The following SAMD5 variants were observed in gnomAD, a reference collection of about 807,000 sequenced individuals.
SAMD5 encodes sterile alpha motif domain containing 5.
A neutral mutation model predicts 11.3 loss-of-function variants in SAMD5; 13 were observed. That is an observed-to-expected ratio of 1.15 (90% CI 0.75 to 1.83). SAMD5 has a LOEUF of 1.83. SAMD5 is among the 40% of genes most tolerant of loss of function. The pLI is 0.00. For missense variants in SAMD5, 255 were observed against 239.1 expected (o/e 1.07, Z -0.44); for synonymous variants, 129 against 111.3 (o/e 1.16, Z -1.00).
chr6:147,775,539 A>G, the SAMD5 span, among the ~76,000 whole-genome samples: 10 of 152,208 alleles, frequency 6.6e-5, 1 homozygote, highest in African/African-American at 2.4e-4. Context: ...TGCATATCAA[A>G]TAAATGTATA....
chr6:147,665,906 C>T (rs1385724103), intron 1 of SAMD5, among the ~76,000 whole-genome samples: 6 of 151,910 alleles, frequency 3.9e-5, no homozygotes, highest in African/African-American at 1.5e-4. Flanking sequence ...ATTTTTTTCC[C>T]CATTTAAGAA....
At chr6:147,881,652 G>C in the SAMD5 span, among the ~76,000 whole-genome samples, 3 of 152,176 alleles carry the variant, frequency 2.0e-5, no homozygotes, top group Admixed American at 6.6e-5. Flanking sequence ...GCTGCTGGCT[G>C]TGTTCTGCAT....
At chr6:147,800,667 T>C in the SAMD5 span, among the ~76,000 whole-genome samples, 1 of 152,244 alleles carries the variant, frequency 6.6e-6, no homozygotes, top group Non-Finnish European at 1.5e-5. Context: ...TTTTGTCTGA[T>C]TATTTGAAAT....
intron 1 of SAMD5, among the ~76,000 whole-genome samples, chr6:147,538,766 T>C (rs1330122602): frequency 6.6e-6 from 1 of 152,210 alleles, no homozygotes; most frequent in Non-Finnish European, 1.5e-5. Flanking sequence ...AGACCAAATG[T>C]TTACATTTTC....
At chr6:147,878,940 C>T in the SAMD5 span, among the ~76,000 whole-genome samples, 1 of 151,962 alleles carries the variant, frequency 6.6e-6, no homozygotes, top group South Asian at 2.1e-4. Flanking sequence ...ATTTTTAGTA[C>T]TTTTTACTTT....
At chr6:147,556,820 ATAAAT>A (rs750038690) in intron 1 of SAMD5, among the ~76,000 whole-genome samples, 4 of 152,232 alleles carry the variant, frequency 2.6e-5, no homozygotes, top group Non-Finnish European at 5.9e-5. Context: ...TTTATCAGAA[ATAAAT>A]TATATCTACA....
intron 1 of SAMD5, among the ~76,000 whole-genome samples, chr6:147,681,609 C>A (rs1376172755): frequency 6.6e-6 from 1 of 151,904 alleles, no homozygotes; most frequent in Non-Finnish European, 1.5e-5. Flanking sequence ...TATTGAATAC[C>A]AGCCATTATG....
intron 1 of SAMD5, among the ~76,000 whole-genome samples, chr6:147,591,235 A>T (rs1272149338): frequency 1.1e-4 from 17 of 152,234 alleles, no homozygotes; most frequent in Non-Finnish European, 1.5e-5. Context: ...GCTCATATTG[A>T]TAAGAAAAGC....
chr6:147,867,895 T>A, the SAMD5 span, among the ~76,000 whole-genome samples: 1 of 152,174 alleles, frequency 6.6e-6, no homozygotes, highest in Admixed American at 6.5e-5. Context: ...AACAATTCTA[T>A]TCCCTCTGGG....
At chr6:147,874,895 C>G in the SAMD5 span, among the ~76,000 whole-genome samples, 1 of 151,888 alleles carries the variant, frequency 6.6e-6, no homozygotes, top group Non-Finnish European at 1.5e-5. Flanking sequence ...TTGAAAATGG[C>G]CTGATTATGT....
the SAMD5 span, among the ~76,000 whole-genome samples, chr6:147,859,831 T>C: frequency 2.6e-5 from 4 of 152,206 alleles, no homozygotes; most frequent in African/African-American, 9.6e-5. Flanking sequence ...ATTCATTTAC[T>C]GGAATTTAGG....
intron 1 of SAMD5, among the ~76,000 whole-genome samples, chr6:147,623,128 C>G (rs531523188): frequency 6.6e-5 from 10 of 152,324 alleles, no homozygotes; most frequent in African/African-American, 2.4e-4. Flanking sequence ...GACAGACCAT[C>G]TAGCCTGGCT....
At chr6:147,826,240 A>G in the SAMD5 span, among the ~76,000 whole-genome samples, 1,243 of 152,348 alleles carry the variant, frequency 8.2e-3, 5 homozygotes, top group Non-Finnish European at 0.014. Context: ...AGAGCTTTCT[A>G]TTGAGTTTAG....
intron 1 of SAMD5, among the ~76,000 whole-genome samples, chr6:147,552,251 A>G (rs1482057401): frequency 1.3e-5 from 2 of 152,228 alleles, no homozygotes; most frequent in Non-Finnish European, 2.9e-5. Context: ...CTATTCTGAG[A>G]GAAGACATAT....
chr6:147,617,335 A>G (rs1267287936), intron 1 of SAMD5, among the ~76,000 whole-genome samples: 11 of 152,232 alleles, frequency 7.2e-5, no homozygotes, highest in Admixed American at 7.2e-4. Context: ...TTGTGTGTTC[A>G]GCCCTGGCCT....
chr6:147,937,883 C>CAT, the SAMD5 span, among the ~76,000 whole-genome samples: 17 of 152,010 alleles, frequency 1.1e-4, no homozygotes, highest in South Asian at 4.1e-4. Flanking sequence ...AAATCACACA[C>CAT]ATATATATAT....
At position 147,526,265 on chromosome 6, in the gene SAMD5, A is replaced by G. The variant is rs960303506; in HGVS notation, c.459+16878A>G. ...ATTTTAGCCTATTACGTGATTATTA[A>G]TTAATATTATTACTTACATTCAGCA... On this transcript the variant is annotated intron_variant, in intron 1 of 1. Transcript: ENST00000367474. Among the ~76,000 whole-genome samples, 4 of 152,232 alleles carry G rather than the reference A, an allele frequency of 2.6e-5. No individual in the cohort carries two copies. In the South Asian group the frequency reaches 8.3e-4, roughly 31 times the overall value.
At chr6:147,572,877 T>C (rs1011954201), downstream of SAMD5, among the ~76,000 whole-genome samples, 9 of 152,198 alleles carry the variant, frequency 5.9e-5, no homozygotes, top group African/African-American at 1.9e-4. Context: ...TATAAATTTG[T>C]GACCCATAAT....
At chr6:147,941,547 T>C in the SAMD5 span, among the ~76,000 whole-genome samples, 1 of 149,168 alleles carries the variant, frequency 6.7e-6, no homozygotes, top group African/African-American at 2.4e-5. Context: ...TGAAATAGAA[T>C]ATGTTTTTTT....
Sources: allele counts gnomAD v4.1 joint callset (sites outside exome capture counted in the v4.1 genomes callset), GRCh38; gene constraint gnomAD v4.1.1; transcripts MANE v1.5; gene names NCBI Gene and HGNC (gene_info 2026-07-23, HGNC 2026-07-21).